The following MAP3K1 variants were observed in gnomAD, a reference collection of about 807,000 sequenced individuals.
MAP3K1 encodes the protein MAP/ERK kinase kinase 1.
Under a neutral mutation model 144.2 loss-of-function variants are expected in MAP3K1, and 36 were observed. The ratio of observed to expected loss-of-function variants is 0.25; its 90% CI spans 0.19 to 0.33. MAP3K1 has a LOEUF of 0.33. Ranked by LOEUF, MAP3K1 falls within the 10% of genes least tolerant of loss-of-function variation. The probability of loss-of-function intolerance (pLI) is 1.00; values close to 1 mark genes in which losing one functional copy is unlikely to be tolerated. For missense variants in MAP3K1, 1,650 were observed against 1,881.9 expected (o/e 0.88, Z 2.28); for synonymous variants, 718 against 688.7 (o/e 1.04, Z -0.67).
intron 14 of MAP3K1, 111 bp from the exon 15 acceptor site, chr5:56,883,416 A>G (rs1414068469): frequency 7.0e-6 from 7 of 1,000,432 alleles, no homozygotes; most frequent in Middle Eastern, 2.1e-4. Flanking sequence ...CAGAGGTCAC[A>G]TTTATAGGTG....
chr5:56,881,172 C>T lies in MAP3K1; in HGVS notation c.2269C>T (p.Arg757Cys), dbSNP rs765970866. 2.6e-5 allele frequency: 42 copies of T among 1,613,410 alleles called. No individual in the cohort carries two copies. Among genetic ancestry groups the T allele is most frequent in the African/African-American group, 9.4e-5 (7 of 74,842 alleles). ...ESNNWQELLGRLCLIDRLLLE... is the reference protein window; with the variant it reads ...ESNNWQELLGCLCLIDRLLLE... ...AAACAATTGGCAAGAACTTCTTGGC[C>T]GCCTTTGTCTTATAGATAGACTGTT... The change falls in exon 13 of 20, where the codon CGC becomes TGC. Residue 757 changes from arginine (R) to cysteine (C), a missense_variant. Arg to Cys is a radical substitution (Grantham distance 180). Around this residue, in one of 6 missense-constraint regions of MAP3K1, gnomAD observed 841 missense variants for 886.5 expected, o/e 0.95. Coordinates refer to ENST00000399503, the MANE Select transcript of MAP3K1 (RefSeq NM_005921.2).
intron 1 of MAP3K1, among the ~76,000 whole-genome samples, chr5:56,848,149 A>G (rs1270425928): frequency 6.6e-6 from 1 of 152,000 alleles, no homozygotes; most frequent in Admixed American, 6.6e-5. Flanking sequence ...ATGATTTGAT[A>G]CTGACTAGTA....
In MAP3K1 at chr5:56,815,988, G is replaced by T; in HGVS notation, c.415G>T (p.Ala139Ser). ...AAPDSGASSP[A>S]AAEPGEKRAP... ...GCCGGACAGCGGCGCCTCGAGTCCC[G>T]CAGCGGCCGAGCCCGGGGAGAAGCG... Residue 139 changes from alanine (A) to serine (S), a missense_variant, in exon 1 of 20, where the codon GCA becomes TCA. Coordinates refer to ENST00000399503, the MANE Select transcript of MAP3K1 (RefSeq NM_005921.2). 1 of 1,246,250 alleles carries T rather than the reference G, an allele frequency of 8.0e-7. No individual in the cohort carries two copies. Among genetic ancestry groups the T allele is most frequent in the Non-Finnish European group, 1.0e-6 (1 of 996,536 alleles). 77.2% of individuals were successfully genotyped at this position (1,246,250 alleles called of 1,614,324 possible).
At chr5:56,871,776 T>C (rs1747860114) in intron 6 of MAP3K1, 134 bp from the exon 7 acceptor site, 3 of 728,758 alleles carry the variant, frequency 4.1e-6, no homozygotes, top group African/African-American at 3.5e-5. Flanking sequence ...TAAATATGTA[T>C]CTCTTAGTTA....
Position 56,815,569 on chromosome 5 carries a change from A to T in MAP3K1, c.-5A>T. 7.7e-7 allele frequency: 1 copy of T among 1,302,496 alleles called. No individual in the cohort carries two copies. The highest frequency in any genetic ancestry group is 9.7e-7 in the Non-Finnish European group (1 of 1,028,100). The allele number at this position is 1,302,496 out of a possible 1,614,324, so 80.7% of individuals were successfully genotyped here. A position where few individuals can be genotyped will look rare whatever the true frequency, so the allele number is the denominator to read the frequency against. On this transcript the variant is annotated 5_prime_UTR_variant, in exon 1 of 20. Transcript: ENST00000399503. ...GGGCCGAGCGAATGTAGCCCGCGAG[A>T]GAAAATGGCGGCGGCGGCGGGGAAT...
chr5:56,880,344 G>T (rs1287987702), intron 11 of MAP3K1, among the ~76,000 whole-genome samples: 1 of 152,136 alleles, frequency 6.6e-6, no homozygotes, highest in African/African-American at 2.4e-5. Flanking sequence ...GGATAGGAAG[G>T]TTTTGTTTTT....
chr5:56,875,408 A>C, intron 10 of MAP3K1, 98 bp downstream of exon 10: 1 of 1,306,324 alleles, frequency 7.7e-7, no homozygotes, highest in Non-Finnish European at 1.1e-6. Flanking sequence ...TACTTTACCT[A>C]ATTTTGGAAA....
intron 1 of MAP3K1, chr5:56,820,308 A>G: frequency 2.5e-6 from 1 of 396,882 alleles, no homozygotes; most frequent in East Asian, 1.6e-4. Flanking sequence ...CCCAAGTCAG[A>G]CTGACTCCAC....
chr5:56,880,079 G>C (rs1748161127), intron 11 of MAP3K1, among the ~76,000 whole-genome samples: 1 of 152,134 alleles, frequency 6.6e-6, no homozygotes, highest in African/African-American at 2.4e-5. Flanking sequence ...AGAAAACATT[G>C]TATATCTGTA....
chr5:56,873,103 CTT>C (rs1299099878), intron 9 of MAP3K1, 98 bp downstream of exon 9: 1 of 1,135,302 alleles, frequency 8.8e-7, no homozygotes, highest in Non-Finnish European at 1.3e-6. Context: ...TAAAAAAACA[CTT>C]TTACTTGCCT....
intron 6 of MAP3K1, among the ~76,000 whole-genome samples, chr5:56,868,644 A>G (rs542070269): frequency 1.1e-4 from 17 of 152,178 alleles, no homozygotes; most frequent in Non-Finnish European, 2.5e-4. Flanking sequence ...TCAGCCTCCC[A>G]AAGTGCTGGG....
At chr5:56,873,270 T>G (rs1747916148) in intron 9 of MAP3K1, among the ~76,000 whole-genome samples, 1 of 152,204 alleles carries the variant, frequency 6.6e-6, no homozygotes, top group Admixed American at 6.5e-5. Context: ...ACGGGGTTAT[T>G]CAAGGATAGA....
intron 1 of MAP3K1, among the ~76,000 whole-genome samples, chr5:56,850,063 C>A (rs1747121191): frequency 1.3e-5 from 2 of 152,190 alleles, no homozygotes; most frequent in Non-Finnish European, 2.9e-5. Context: ...CTTTCTGTTT[C>A]ATTATGCTCT....
At chr5:56,856,505 G>T in intron 1 of MAP3K1, 95 bp from the exon 2 acceptor site, 1 of 1,056,298 alleles carries the variant, frequency 9.5e-7, no homozygotes, top group Admixed American at 2.0e-5. Context: ...CATGTCCGTT[G>T]GAAGTATAAA....
chr5:56,847,846 T>C (rs974333489), intron 1 of MAP3K1, among the ~76,000 whole-genome samples: 1 of 152,206 alleles, frequency 6.6e-6, no homozygotes, highest in East Asian at 1.9e-4. Flanking sequence ...TTTTATATGT[T>C]CCAGTGGTGT....
At chr5:56,862,914 C>T (rs885160) in intron 3 of MAP3K1, among the ~76,000 whole-genome samples, 4,906 of 152,172 alleles carry the variant, frequency 0.032, 253 homozygotes, top group African/African-American at 0.11. Flanking sequence ...GCCATTATTA[C>T]GGTCGGTTTT....
At chr5:56,887,166 G>C (rs768835991) in intron 17 of MAP3K1, among the ~76,000 whole-genome samples, 1 of 152,212 alleles carries the variant, frequency 6.6e-6, no homozygotes, top group African/African-American at 2.4e-5. Flanking sequence ...TTTAAATTAA[G>C]CTCTAATTAT....
Position 56,895,473 on chromosome 5 carries a change from T to C in MAP3K1, c.*1793T>C, listed in dbSNP as rs1013931398. 1 of 231,166 alleles carries C rather than the reference T, an allele frequency of 4.3e-6. No individual in the cohort carries two copies. The highest frequency in any genetic ancestry group is 5.6e-5 in the Admixed American group (1 of 17,704). The allele number at this position is 231,166 out of a possible 1,614,324, so 14.3% of individuals were successfully genotyped here. On this transcript the variant is annotated 3_prime_UTR_variant, in exon 20 of 20. Coordinates refer to ENST00000399503, the MANE Select transcript of MAP3K1 (RefSeq NM_005921.2). ...GATGCACTCTTGCCATTTTATGTAC[T>C]GGAAGATCATTGGTCAGATGAATAC...
In MAP3K1 at chr5:56,886,737, A is replaced by G. The variant is rs527376961; in HGVS notation, c.4115-641A>G. Among the ~76,000 whole-genome samples the G allele has an allele frequency of 2.6e-5, 4 of 152,146 alleles. No homozygotes were observed. The South Asian group carries it at 8.3e-4, about 32-fold the overall frequency. On this transcript the variant is annotated intron_variant, in intron 17 of 19. Coordinates refer to ENST00000399503, the MANE Select transcript of MAP3K1 (RefSeq NM_005921.2). ...ACTTCTTTTAAGAAAAATTCCTTCA[A>G]ATCCTTTGTAGGTCCCATTATTTTC...
Sources: gnomAD v4.1 joint callset for allele counts (sites outside exome capture counted in the v4.1 genomes callset) on GRCh38, gnomAD v4.1.1 for gene constraint, gnomAD v4.1.1 regional missense constraint, MANE v1.5 for transcripts, NCBI Gene and HGNC (gene_info 2026-07-23, HGNC 2026-07-21) for gene names.